MAP3K21: variants seen among roughly 807,000 people sequenced by gnomAD.
The protein encoded by MAP3K21 is mitogen-activated protein kinase kinase kinase MLK4.
In MAP3K21, 63 loss-of-function variants were observed where a neutral mutation model predicts 86.1. That is an observed-to-expected ratio of 0.73 (90% CI 0.60 to 0.90). The LOEUF (loss-of-function observed/expected upper bound fraction) is 0.90, where lower values mean the gene tolerates loss of function less well. MAP3K21 is among the 40% of genes least tolerant of loss of function. MAP3K21 has a pLI of 0.00. For missense variants in MAP3K21, 1,220 were observed against 1,367.7 expected, an observed-to-expected ratio of 0.89 and a Z score of 1.70; for synonymous variants, 558 against 564.8, an observed-to-expected ratio of 0.99 and a Z score of 0.17.
At chr1:233,379,824 T>C (rs1663880860) in intron 9 of MAP3K21, 114 bp downstream of exon 9, 2 of 815,952 alleles carry the variant, frequency 2.5e-6, no homozygotes, top group Admixed American at 2.7e-5. Flanking sequence ...ATAATTTGTT[T>C]TTACTGTTCA....
At chr1:233,339,123 AACC>A (rs1662968236) in intron 1 of MAP3K21, among the ~76,000 whole-genome samples, 2 of 152,226 alleles carry the variant, frequency 1.3e-5, no homozygotes, top group Non-Finnish European at 2.9e-5. Context: ...AAGAATGATC[AACC>A]GTATCAAATG....
In MAP3K21 at chr1:233,353,825, G is replaced by C. The variant is rs1465073153; in HGVS notation, c.1005G>C (p.Trp335Cys). ...TTTCTAGCTATGGAGTGCTGCTGTG[G>C]GAACTGCTCACCGGAGAAGTCCCCT... is the stretch of plus-strand genomic sequence containing the variant. ...SDIWSYGVLL[W>C]ELLTGEVPYR... is the part of the protein sequence containing the mutation. Residue 335 changes from tryptophan to cysteine, a missense_variant, in exon 3 of 10, where the codon TGG (tryptophan) becomes TGC (cysteine). This residue lies in a region of MAP3K21 where 89 missense variants were observed against 144.8 expected (regional missense o/e 0.61). Transcript: ENST00000366624. 1 of 1,601,816 alleles carries C rather than the reference G, an allele frequency of 6.2e-7. No individual in the cohort carries two copies.
chr1:233,372,174 A>G lies in MAP3K21; in HGVS notation c.1675+14A>G. 6.2e-7 allele frequency: 1 copy of G among 1,613,712 alleles called. No individual in the cohort carries two copies. The highest frequency in any genetic ancestry group is 1.1e-5 in the South Asian group (1 of 90,986). Reference sequence around the variant, plus strand: ...GAGCCATACAGTGTGAGCTTTCTGCACTGCCACGGGGGCTCCTGTGTTGAC... The same window carrying G: ...GAGCCATACAGTGTGAGCTTTCTGCGCTGCCACGGGGGCTCCTGTGTTGAC... On this transcript the variant is annotated intron_variant, in intron 6 of 9. Coordinates refer to ENST00000366624, the MANE Select transcript of MAP3K21 (RefSeq NM_032435.3).
chr1:233,346,248 AT>A (rs1663136496), intron 1 of MAP3K21, among the ~76,000 whole-genome samples, 193 bp from the exon 2 acceptor site: 1 of 152,246 alleles, frequency 6.6e-6, no homozygotes, highest in African/African-American at 2.4e-5. Context: ...GTGTCTTAAA[AT>A]AACTTGTAAC....
Position 233,328,813 on chromosome 1 carries a change from G to A in MAP3K21, c.785G>A (p.Arg262Gln). 2 of 1,530,812 alleles carry A rather than the reference G, an allele frequency of 1.3e-6. No homozygotes were observed. The highest frequency in any genetic ancestry group is 8.8e-7 in the Non-Finnish European group (1 of 1,137,396). 94.8% of individuals were successfully genotyped at this position (1,530,812 alleles called of 1,614,324 possible). ...HEEAFVPILH[R>Q]DLKSSNILLL... ...GAGGCCTTCGTGCCCATCCTGCACC[G>A]GGACCTCAAGTCCAGCAACAGTAAG... Residue 262 changes from arginine to glutamine, a missense_variant, in exon 1 of 10, where the codon CGG (arginine) becomes CAG (glutamine). By Grantham distance (43) the Arg-to-Gln change is conservative (BLOSUM62 1). Coordinates refer to ENST00000366624, the MANE Select transcript of MAP3K21 (RefSeq NM_032435.3). This position sits in a 1 kb window ranked among gnomAD's most constrained non-coding sequence, Gnocchi z 8.7.
Position 233,379,324 on chromosome 1 carries a change from G to T in MAP3K21, c.2318G>T (p.Ser773Ile), listed in dbSNP as rs755453254. The T allele has an allele frequency of 6.2e-6, 10 of 1,614,102 alleles. No homozygotes were observed. In the South Asian group the frequency reaches 9.9e-5, roughly 16 times the overall value. Residue 773 changes from serine (S) to isoleucine (I), a missense_variant, in exon 9 of 10, where the codon AGC becomes ATC. Ser to Ile is a moderately radical substitution (Grantham distance 142). Transcript: ENST00000366624. ...CAGCGGGCTTCCAAGTCCCGCAGAAGCGCCAGTCCTCCCACAAGCCTGCCA... is the reference window on the plus strand; with the variant it reads ...CAGCGGGCTTCCAAGTCCCGCAGAATCGCCAGTCCTCCCACAAGCCTGCCA... The part of the protein sequence containing the change: ...IFQRASKSRR[S>I]ASPPTSLPST...
intron 2 of MAP3K21, among the ~76,000 whole-genome samples, chr1:233,353,042 A>G (rs1411629215): frequency 6.6e-6 from 1 of 152,148 alleles, no homozygotes; most frequent in Non-Finnish European, 1.5e-5. Flanking sequence ...GTAAACATTC[A>G]TGTAGAAATC....
At chr1:233,331,031 A>G (rs1169134382) in intron 1 of MAP3K21, among the ~76,000 whole-genome samples, 1 of 152,184 alleles carries the variant, frequency 6.6e-6, no homozygotes, top group African/African-American at 2.4e-5. Context: ...AAATAACATG[A>G]CCCTGGAATA....
intron 1 of MAP3K21, among the ~76,000 whole-genome samples, chr1:233,343,959 G>A (rs1663086004): frequency 6.6e-6 from 1 of 152,210 alleles, no homozygotes; most frequent in Non-Finnish European, 1.5e-5. Context: ...TAGAGGAGAG[G>A]GTGGCAGCCT....
intron 6 of MAP3K21, chr1:233,375,664 T>C: frequency 1.4e-5 from 7 of 488,680 alleles, no homozygotes; most frequent in Non-Finnish European, 2.5e-5. Context: ...GATTAAAAAG[T>C]AATCAAATCT....
chr1:233,345,761 T>TAAA (rs1403891794), intron 1 of MAP3K21, among the ~76,000 whole-genome samples: 5 of 147,040 alleles, frequency 3.4e-5, no homozygotes, highest in Admixed American at 2.7e-4. Context: ...ATAATAATAA[T>TAAA]AAAAGCACAT....
At chr1:233,376,965 C>T (rs1001925376) in intron 8 of MAP3K21, among the ~76,000 whole-genome samples, 3 of 152,052 alleles carry the variant, frequency 2.0e-5, no homozygotes, top group Non-Finnish European at 4.4e-5. Flanking sequence ...CATGGTGGTG[C>T]TTGCTTGTAA....
chr1:233,376,415 AT>A lies in MAP3K21; in HGVS notation c.1827-10del. On this transcript the variant is annotated splice_polypyrimidine_tract_variant and intron_variant, in intron 7 of 9. Transcript: ENST00000366624. ...GTGCTTCTATCTTATGAAAAGAAAC[AT>A]TTTTCTCTTGTAGGATAAGACCTCT... The A allele has an allele frequency of 6.3e-7, 1 of 1,579,388 alleles. No homozygotes were observed. The highest frequency in any genetic ancestry group is 8.7e-7 in the Non-Finnish European group (1 of 1,149,338).
At chr1:233,361,766 T>C (rs1321267094) in intron 4 of MAP3K21, among the ~76,000 whole-genome samples, 1 of 152,154 alleles carries the variant, frequency 6.6e-6, no homozygotes, top group African/African-American at 2.4e-5. Flanking sequence ...ATGCCTCTTT[T>C]AGGATCATAA....
chr1:233,352,384 T>C (rs892219875), intron 2 of MAP3K21, among the ~76,000 whole-genome samples: 3 of 152,024 alleles, frequency 2.0e-5, no homozygotes, highest in Non-Finnish European at 2.9e-5. Context: ...ACTGTAGCCA[T>C]CCTACAGTGC....
At chr1:233,361,427 A>G (rs561968420) in intron 4 of MAP3K21, among the ~76,000 whole-genome samples, 3 of 152,244 alleles carry the variant, frequency 2.0e-5, no homozygotes, top group South Asian at 2.1e-4. Context: ...TTGGCTTGCA[A>G]TTTTAGAGGT....
intron 1 of MAP3K21, among the ~76,000 whole-genome samples, chr1:233,331,231 G>A (rs1485566495): frequency 6.6e-6 from 1 of 152,132 alleles, no homozygotes; most frequent in East Asian, 1.9e-4. Flanking sequence ...ATAATTGTCA[G>A]GCAGGATTCC....
chr1:233,328,218 C>T lies in MAP3K21; in HGVS notation c.190C>T (p.Leu64=). The part of the protein sequence containing the change: ...EDELSLRRGQ[L]VEVLSQDAAV... ...CGAGCTGAGCCTGCGGCGCGGCCAGCTGGTGGAGGTGCTGTCGCAGGACGC... is the reference window on the plus strand; with the variant it reads ...CGAGCTGAGCCTGCGGCGCGGCCAGTTGGTGGAGGTGCTGTCGCAGGACGC... The change falls in exon 1 of 10, where the codon CTG becomes TTG. Residue 64 remains leucine (L), a synonymous_variant. Transcript: ENST00000366624. This position sits in a 1 kb window ranked among gnomAD's most constrained non-coding sequence, Gnocchi z 8.7. 1 of 1,489,350 alleles carries T rather than the reference C, an allele frequency of 6.7e-7. No individual in the cohort carries two copies. The highest frequency in any genetic ancestry group is 8.9e-7 in the Non-Finnish European group (1 of 1,128,032). 92.3% of individuals were successfully genotyped at this position (1,489,350 alleles called of 1,614,324 possible). A position where few individuals can be genotyped will look rare whatever the true frequency, so the allele number is the denominator to read the frequency against.
intron 5 of MAP3K21, among the ~76,000 whole-genome samples, chr1:233,369,963 T>G (rs200599448): frequency 1.3e-5 from 2 of 152,202 alleles, no homozygotes; most frequent in East Asian, 3.9e-4. Context: ...AGTTTTAATC[T>G]GTAACTTAAG....
Sources: gnomAD v4.1 joint callset for allele counts (sites outside exome capture counted in the v4.1 genomes callset) on GRCh38, gnomAD v4.1.1 for gene constraint, gnomAD v4.1.1 regional missense constraint, Gnocchi (gnomAD v3.1) non-coding constraint, MANE v1.5 for transcripts, NCBI Gene and HGNC (gene_info 2026-07-23, HGNC 2026-07-21) for gene names.